KAZN: variants seen among roughly 807,000 people sequenced by gnomAD.
KAZN encodes the protein kazrin.
A neutral mutation model predicts 87.4 loss-of-function variants in KAZN; 40 were observed. That is an observed-to-expected ratio of 0.46 (90% CI 0.36 to 0.60). The LOEUF is 0.60. KAZN is among the 20% of genes least tolerant of loss of function. The pLI is 0.00. For synonymous variants in KAZN, 466 were observed against 458.3 expected, an observed-to-expected ratio of 1.02 and a Z score of -0.22; for missense variants, 898 against 1,073.9, an observed-to-expected ratio of 0.84 and a Z score of 2.29.
chr1:14,098,895 C>CCACA (rs1435825573), intron 1 of KAZN, among the ~76,000 whole-genome samples: 1 of 152,156 alleles, frequency 6.6e-6, no homozygotes, highest in Non-Finnish European at 1.5e-5. Flanking sequence ...ATGTTGGCAC[C>CCACA]CACACACATG....
intron 1 of KAZN, among the ~76,000 whole-genome samples, chr1:14,890,729 G>T (rs141644826): frequency 6.6e-6 from 1 of 151,574 alleles, no homozygotes; most frequent in Non-Finnish European, 1.5e-5. Context: ...GGGTCTTGCC[G>T]TGTTGCCCAG....
rs56000715 is a variant in KAZN, at chr1:14,833,969, T to TCACACA, written c.227-126680_227-126675dup. On this transcript the variant is annotated intron_variant, in intron 1 of 14. Coordinates refer to ENST00000376030, the MANE Select transcript of KAZN (RefSeq NM_201628.3). The stretch of plus-strand genomic sequence containing the variant: ...GGACTCTGCTGTCCTCCCAAGTCAT[T>TCACACA]CACACACACACACACACACACACAC... Among the ~76,000 whole-genome samples the TCACACA allele has an allele frequency of 2.2e-3, 316 of 141,954 alleles. 2 individuals carry two copies. Among genetic ancestry groups the TCACACA allele is most frequent in the Middle Eastern group, 0.014 (4 of 276 alleles). The allele number at this position is 141,954 out of a possible 152,430, so 93.1% of individuals were successfully genotyped here.
rs78285943 is a variant in KAZN at position 14,390,496 on chromosome 1, T to C, written c.250-208487T>C. 2.9e-3 allele frequency among the ~76,000 whole-genome samples: 443 copies of C among 152,108 alleles called. 1 individual carries two copies. Among genetic ancestry groups the C allele is most frequent in the African/African-American group, 9.7e-3 (402 of 41,482 alleles). ...GAAGTGAGGAAGAAAGCTGTGCAAATGTTTTGGGGGATGAGCATTCCATGC... is the reference window on the plus strand; with the variant it reads ...GAAGTGAGGAAGAAAGCTGTGCAAACGTTTTGGGGGATGAGCATTCCATGC... On this transcript the variant is annotated intron_variant, in intron 2 of 16. Coordinates refer to the KAZN transcript ENST00000636203.
intron 2 of KAZN, among the ~76,000 whole-genome samples, chr1:14,336,631 T>C (rs1657290859): frequency 6.6e-6 from 1 of 152,224 alleles, no homozygotes; most frequent in Non-Finnish European, 1.5e-5. Context: ...TGTTATTGTC[T>C]TTTTTACTTT....
chr1:15,083,420 T>G (rs191907112), intron 8 of KAZN, among the ~76,000 whole-genome samples: 1 of 152,270 alleles, frequency 6.6e-6, no homozygotes, highest in African/African-American at 2.4e-5. Context: ...AGCCCAGGGC[T>G]CACCCCCGCC....
At chr1:14,076,717 T>G (rs1643474464) in intron 1 of KAZN, among the ~76,000 whole-genome samples, 1 of 152,180 alleles carries the variant, frequency 6.6e-6, no homozygotes, top group South Asian at 2.1e-4. Flanking sequence ...CCCGGTGGAA[T>G]TCAGTAATTG....
At chr1:14,888,991 CAAT>C (rs1358072914) in intron 1 of KAZN, among the ~76,000 whole-genome samples, 9 of 152,188 alleles carry the variant, frequency 5.9e-5, no homozygotes, top group Non-Finnish European at 1.3e-4. Flanking sequence ...AATATACTAA[CAAT>C]AATGATAGCT....
intron 2 of KAZN, among the ~76,000 whole-genome samples, chr1:14,436,733 A>AAAAAC (rs1557720799): frequency 4.8e-5 from 7 of 145,628 alleles, no homozygotes; most frequent in African/African-American, 1.8e-4. Flanking sequence ...AAAAAAAAAA[A>AAAAAC]AAAAACCTTA....
intron 1 of KAZN, among the ~76,000 whole-genome samples, chr1:13,940,298 T>C (rs968982794): frequency 6.6e-6 from 1 of 152,084 alleles, no homozygotes; most frequent in Non-Finnish European, 1.5e-5. Flanking sequence ...TTTTTTTTGA[T>C]TACTGATTTA....
intron 2 of KAZN, among the ~76,000 whole-genome samples, chr1:14,974,069 G>C (rs1665363652): frequency 6.6e-6 from 1 of 151,962 alleles, no homozygotes; most frequent in African/African-American, 2.4e-5. Context: ...CAGGATGGCT[G>C]GGCTAAGCTG....
chr1:15,001,465 CA>C (rs35048403), intron 2 of KAZN, among the ~76,000 whole-genome samples: 24,874 of 124,852 alleles, frequency 0.2, 2,151 homozygotes, highest in East Asian at 0.36. Flanking sequence ...AAATCTGTCT[CA>C]AAAAAAAAAA....
intron 1 of KAZN, among the ~76,000 whole-genome samples, chr1:13,923,268 T>C (rs1640131354): frequency 1.3e-5 from 2 of 150,874 alleles, no homozygotes; most frequent in African/African-American, 5.0e-5. Flanking sequence ...ATTAAGAAAA[T>C]AATAAAGAAA....
chr1:14,291,019 A>G (rs1653645266), intron 2 of KAZN, among the ~76,000 whole-genome samples: 1 of 152,204 alleles, frequency 6.6e-6, no homozygotes, highest in African/African-American at 2.4e-5. Flanking sequence ...AGGCTGCAGA[A>G]CAGCAAATAT....
intron 1 of KAZN, among the ~76,000 whole-genome samples, chr1:14,640,667 T>A (rs752258369): frequency 6.6e-6 from 1 of 152,168 alleles, no homozygotes; most frequent in Non-Finnish European, 1.5e-5. Flanking sequence ...CAAAGCACAA[T>A]CCAAACTAGA....
At chr1:14,572,278 C>T (rs1674918212) in intron 2 of KAZN, among the ~76,000 whole-genome samples, 1 of 152,206 alleles carries the variant, frequency 6.6e-6, no homozygotes, top group African/African-American at 2.4e-5. Flanking sequence ...GCAGAGTCCG[C>T]TGGCACGGCA....
At chr1:14,514,530 G>GAAATATATATTTTAT (rs1377606104) in intron 2 of KAZN, among the ~76,000 whole-genome samples, 2 of 21,496 alleles carry the variant, frequency 9.3e-5, no homozygotes, top group African/African-American at 1.6e-4. Context: ...ATATATTTTA[G>GAAATATATATTTTAT]ATATATTTTA....
chr1:14,470,486 A>C (rs1037978206), intron 2 of KAZN, among the ~76,000 whole-genome samples: 1 of 152,212 alleles, frequency 6.6e-6, no homozygotes, highest in African/African-American at 2.4e-5. Flanking sequence ...TGGTCATGTC[A>C]ATTACAGTGG....
In KAZN at chr1:13,904,075, G is replaced by A. The variant is rs530299713; in HGVS notation, c.91+10319G>A. Among the ~76,000 whole-genome samples, 9 of 152,290 alleles carry A rather than the reference G, an allele frequency of 5.9e-5. 1 individual carries two copies. The highest frequency in any genetic ancestry group is 6.8e-3 in the Middle Eastern group (2 of 294). ...AGGTCTATTTGGAGACTGAGGCAGGGTCTACAATGTCATCAGTGCTTAACA... is the reference window on the plus strand; with the variant it reads ...AGGTCTATTTGGAGACTGAGGCAGGATCTACAATGTCATCAGTGCTTAACA... On this transcript the variant is annotated intron_variant, in intron 1 of 16. Transcript: ENST00000636203.
chr1:14,545,431 C>T lies in KAZN; in HGVS notation c.250-53552C>T, dbSNP rs552158599. ...TGGAATCCTAGCTCCACCACATGCC[C>T]GCTCCATGACCTTGGGACAGTTATT... On this transcript the variant is annotated intron_variant, in intron 2 of 16. Coordinates refer to the KAZN transcript ENST00000636203. Among the ~76,000 whole-genome samples the T allele has an allele frequency of 6.1e-4, 93 of 152,264 alleles. 3 individuals are homozygous for T. The South Asian group carries it at 0.018, about 29-fold the overall frequency.
Sources: gnomAD v4.1 joint callset for allele counts (sites outside exome capture counted in the v4.1 genomes callset) on GRCh38, gnomAD v4.1.1 for gene constraint, MANE v1.5 for transcripts, NCBI Gene and HGNC (gene_info 2026-07-23, HGNC 2026-07-21) for gene names.